The following FLRT2 variants were observed in gnomAD, a reference collection of about 807,000 sequenced individuals.
FLRT2 encodes the protein fibronectin leucine rich transmembrane protein 2.
Under a neutral mutation model 40.0 loss-of-function variants are expected in FLRT2, and 15 were observed. That is an observed-to-expected ratio of 0.38 (90% CI 0.25 to 0.58). FLRT2 has a LOEUF of 0.58. Among genes scored for constraint, FLRT2 ranks in the 20% least tolerant of loss-of-function variants. The probability of loss-of-function intolerance (pLI) is 0.71; values close to 1 mark genes in which losing one functional copy is unlikely to be tolerated. For missense variants in FLRT2, 726 were observed against 840.0 expected (o/e 0.86, Z 1.68); for synonymous variants, 380 against 336.8 (o/e 1.13, Z -1.41).
chr14:85,612,560 G>T (rs1046603761), intron 1 of FLRT2, among the ~76,000 whole-genome samples: 3 of 152,046 alleles, frequency 2.0e-5, no homozygotes, highest in Admixed American at 2.0e-4. Flanking sequence ...TGGGTTGGGG[G>T]GAAATGTCCT....
At chr14:85,587,260 A>G (rs1891660587) in intron 1 of FLRT2, among the ~76,000 whole-genome samples, 1 of 150,130 alleles carries the variant, frequency 6.7e-6, no homozygotes, top group African/African-American at 2.5e-5. Context: ...CTGCTTTGTC[A>G]TCCAGTTTGT....
intron 1 of FLRT2, among the ~76,000 whole-genome samples, chr14:85,592,221 A>G (rs2139318325): frequency 6.6e-6 from 1 of 152,250 alleles, no homozygotes; most frequent in East Asian, 1.9e-4. Flanking sequence ...ATAGAAAAAT[A>G]AGAAAGTGTC....
At chr14:85,541,641 T>C (rs943833972) in intron 1 of FLRT2, among the ~76,000 whole-genome samples, 1 of 152,204 alleles carries the variant, frequency 6.6e-6, no homozygotes, top group Non-Finnish European at 1.5e-5. Context: ...AGAGGCCTAA[T>C]GAATGCCGAC....
rs1007406403 is a variant in FLRT2 at position 85,638,338 on chromosome 14, A to G, written c.*14841A>G. On this transcript the variant is annotated 3_prime_UTR_variant, in exon 2 of 2. Coordinates refer to ENST00000330753, the MANE Select transcript of FLRT2 (RefSeq NM_013231.6). Reference sequence around the variant, plus strand: ...TTCCCATGGTTCTGTCTTTTTCTCCAGGCAACACTTCCTGATGACTGATCA... The same window carrying G: ...TTCCCATGGTTCTGTCTTTTTCTCCGGGCAACACTTCCTGATGACTGATCA... 23 of 152,202 alleles carry G rather than the reference A, an allele frequency of 1.5e-4. No individual in the cohort carries two copies. The highest frequency in any genetic ancestry group is 2.8e-4 in the Non-Finnish European group (19 of 68,076). The allele number at this position is 152,202 out of a possible 1,614,324, so 9.4% of individuals were successfully genotyped here. A position where few individuals can be genotyped will look rare whatever the true frequency, so the allele number is the denominator to read the frequency against.
intron 1 of FLRT2, among the ~76,000 whole-genome samples, chr14:85,544,630 C>A (rs1889176636): frequency 2.0e-5 from 3 of 152,242 alleles, no homozygotes; most frequent in Admixed American, 2.0e-4. Flanking sequence ...AAATAGGATC[C>A]ATCTTTAGTC....
At chr14:85,538,884 G>A (rs1888822343) in intron 1 of FLRT2, among the ~76,000 whole-genome samples, 1 of 152,088 alleles carries the variant, frequency 6.6e-6, no homozygotes, top group African/African-American at 2.4e-5. Context: ...TACATGTCAC[G>A]TTCATCAGAA....
intron 1 of FLRT2, among the ~76,000 whole-genome samples, chr14:85,539,726 T>C (rs923654701): frequency 6.6e-6 from 1 of 152,196 alleles, no homozygotes; most frequent in African/African-American, 2.4e-5. Flanking sequence ...AGTGTTATAT[T>C]CCTATAAAGA....
chr14:85,579,192 A>T (rs930691051), intron 1 of FLRT2, among the ~76,000 whole-genome samples: 25 of 151,992 alleles, frequency 1.6e-4, no homozygotes, highest in African/African-American at 6.0e-4. Context: ...GGCTGGTGAG[A>T]GTGGGAGGCT....
At position 85,649,075 on chromosome 14, in the gene FLRT2, T is replaced by C. The variant is rs549169662; in HGVS notation, c.*25578T>C. ...CAATATGCCTATTACCCCAATATAA[T>C]TTAAGATTGACAGGGAGAGCATCAG... On this transcript the variant is annotated 3_prime_UTR_variant, in exon 2 of 2. Transcript: ENST00000330753. 100 of 152,238 alleles carry C rather than the reference T, an allele frequency of 6.6e-4. No individual in the cohort carries two copies. Among genetic ancestry groups the C allele is most frequent in the African/African-American group, 2.2e-3 (92 of 41,554 alleles). The allele number at this position is 152,238 out of a possible 1,614,324, so 9.4% of individuals were successfully genotyped here.
intron 1 of FLRT2, among the ~76,000 whole-genome samples, chr14:85,593,990 C>T (rs1028928894): frequency 3.3e-5 from 5 of 151,864 alleles, no homozygotes; most frequent in African/African-American, 4.8e-5. Context: ...TGCAGTGAGC[C>T]GAGATCATGC....
In FLRT2 at chr14:85,629,333, T is replaced by G. The variant is rs1893808535; in HGVS notation, c.*5836T>G. On this transcript the variant is annotated 3_prime_UTR_variant, in exon 2 of 2. Coordinates refer to ENST00000330753, the MANE Select transcript of FLRT2 (RefSeq NM_013231.6). ...GCTAAAGTCAGAACTTAATTTGAAT[T>G]AAATTTTCAAGTTTCCACCAAGTAT... The G allele has an allele frequency of 6.6e-6, 1 of 152,230 alleles. No homozygotes were observed. Among genetic ancestry groups the G allele is most frequent in the Non-Finnish European group, 1.5e-5 (1 of 68,044 alleles). The allele number at this position is 152,230 out of a possible 1,614,324, so 9.4% of individuals were successfully genotyped here.
chr14:85,540,353 C>CAA (rs779504122), intron 1 of FLRT2, among the ~76,000 whole-genome samples: 1 of 152,124 alleles, frequency 6.6e-6, no homozygotes, highest in South Asian at 2.1e-4. Flanking sequence ...GTCATTAAAC[C>CAA]CTGTGGAACA....
intron 1 of FLRT2, among the ~76,000 whole-genome samples, chr14:85,586,393 T>C (rs1315080910): frequency 6.6e-6 from 1 of 152,084 alleles, no homozygotes; most frequent in African/African-American, 2.4e-5. Flanking sequence ...GAAACAATGT[T>C]CAATCAATAA....
rs1893637391 is a variant in FLRT2, at chr14:85,625,439, A to G, written c.*1942A>G. Reference sequence around the variant, plus strand: ...AATATAGCCCAACTTATATGTTTTAATCTCCCTTGTCCCTCAGAATAAGCA... The same window carrying G: ...AATATAGCCCAACTTATATGTTTTAGTCTCCCTTGTCCCTCAGAATAAGCA... On this transcript the variant is annotated 3_prime_UTR_variant, in exon 2 of 2. Transcript: ENST00000330753. 1 of 166,994 alleles carries G rather than the reference A, an allele frequency of 6.0e-6. No individual in the cohort carries two copies. The allele number at this position is 166,994 out of a possible 1,614,324, so 10.3% of individuals were successfully genotyped here.
chr14:85,558,062 A>G (rs1890084359), intron 1 of FLRT2, among the ~76,000 whole-genome samples: 1 of 152,160 alleles, frequency 6.6e-6, no homozygotes, highest in African/African-American at 2.4e-5. Flanking sequence ...TTCCGCAGAA[A>G]GCATCCGTAG....
chr14:85,536,369 C>T (rs1048913470), intron 1 of FLRT2, among the ~76,000 whole-genome samples: 2 of 152,070 alleles, frequency 1.3e-5, no homozygotes, highest in African/African-American at 2.4e-5. Context: ...ATTCCTGCTT[C>T]TGGGATCTGA....
rs1893913901 is a variant in FLRT2, at chr14:85,632,844, T to C, written c.*9347T>C. The C allele has an allele frequency of 1.3e-5, 2 of 152,260 alleles. No individual in the cohort carries two copies. The highest frequency in any genetic ancestry group is 2.9e-5 in the Non-Finnish European group (2 of 68,050). The allele number at this position is 152,260 out of a possible 1,614,324, so 9.4% of individuals were successfully genotyped here. A position where few individuals can be genotyped will look rare whatever the true frequency, so the allele number is the denominator to read the frequency against. On this transcript the variant is annotated 3_prime_UTR_variant, in exon 2 of 2. Transcript: ENST00000330753. ...TACTTTGGAATCCTGCTTCAACCACTGACCTGCCAATTTGCCTTGGCAATA... is the reference window on the plus strand; with the variant it reads ...TACTTTGGAATCCTGCTTCAACCACCGACCTGCCAATTTGCCTTGGCAATA...
At chr14:85,540,213 A>G (rs2139808470) in intron 1 of FLRT2, among the ~76,000 whole-genome samples, 1 of 152,340 alleles carries the variant, frequency 6.6e-6, no homozygotes, top group Middle Eastern at 3.4e-3. Flanking sequence ...TTTGCAAAAT[A>G]AGGCAGGCTA....
At chr14:85,605,499 G>A (rs1363903732) in intron 1 of FLRT2, among the ~76,000 whole-genome samples, 2 of 152,164 alleles carry the variant, frequency 1.3e-5, no homozygotes, top group African/African-American at 4.8e-5. Flanking sequence ...GGCTGGGCAC[G>A]GTGGCTCACG....
Sources: allele counts gnomAD v4.1 joint callset (sites outside exome capture counted in the v4.1 genomes callset), GRCh38; gene constraint gnomAD v4.1.1; transcripts MANE v1.5; gene names NCBI Gene and HGNC (gene_info 2026-07-23, HGNC 2026-07-21).